The following SPTB variants were observed in gnomAD, a reference collection of about 807,000 sequenced individuals.
SPTB encodes spectrin beta, erythrocytic, also known as spectrin beta chain, erythrocytic.
Under a neutral mutation model 256.2 loss-of-function variants are expected in SPTB, and 45 were observed. The observed-to-expected ratio is 0.18, with a 90% CI of 0.14 to 0.23. The LOEUF is 0.23. Ranked by LOEUF, SPTB falls within the 10% of genes least tolerant of loss-of-function variation. The pLI is 1.00. For synonymous variants in SPTB, 1,231 were observed against 1,243.1 expected, an observed-to-expected ratio of 0.99 and a Z score of 0.21; for missense variants, 2,715 against 3,040.4, an observed-to-expected ratio of 0.89 and a Z score of 2.52.
chr14:64,828,059 G>A (rs934404151), intron 1 of SPTB, among the ~76,000 whole-genome samples: 4 of 152,190 alleles, frequency 2.6e-5, no homozygotes, highest in Middle Eastern at 3.2e-3. Flanking sequence ...CATCACTGAT[G>A]GACTATGGTT....
Position 64,796,730 on chromosome 14 carries a change from G to C in SPTB, c.1183-15C>G. On this transcript the variant is annotated splice_polypyrimidine_tract_variant and intron_variant, in intron 10 of 35. Transcript: ENST00000644917. The surrounding 1 kb of genome is among the most constrained non-coding windows in gnomAD (Gnocchi z 4.1). ...CTTTCCCAGGCCTGCACAAAGGATG[G>C]AATGAGAATTCTTGGGGCACAGGAG... 6.2e-7 allele frequency: 1 copy of C among 1,614,132 alleles called. No individual in the cohort carries two copies. The highest frequency in any genetic ancestry group is 8.5e-7 in the Non-Finnish European group (1 of 1,180,044).
chr14:64,776,332 C>A (rs1301768962), intron 22 of SPTB, among the ~76,000 whole-genome samples: 1 of 152,216 alleles, frequency 6.6e-6, no homozygotes, highest in Non-Finnish European at 1.5e-5. Context: ...CTCAGAACCT[C>A]AATTTTTACA....
intron 19 of SPTB, 60 bp downstream of exon 19, chr14:64,784,187 C>T: frequency 6.2e-7 from 1 of 1,609,762 alleles, no homozygotes; most frequent in African/African-American, 1.3e-5. Flanking sequence ...CTGGGTGAAG[C>T]CCATCCAGGC....
rs990708912 is a variant in SPTB, at chr14:64,845,236, T to C, written c.-51-22091A>G. Among the ~76,000 whole-genome samples, 2 of 152,148 alleles carry C rather than the reference T, an allele frequency of 1.3e-5. No individual in the cohort carries two copies. Among genetic ancestry groups the C allele is most frequent in the African/African-American group, 2.4e-5 (1 of 41,426 alleles). On this transcript the variant is annotated intron_variant, in intron 1 of 35. Transcript: ENST00000644917. This position sits in a 1 kb window ranked among gnomAD's most constrained non-coding sequence, Gnocchi z 4.8. ...GCATGTGGACATCCTTATCAGAAAA[T>C]AGCCACTTAGCAAGTTTTTTCCTTT...
At chr14:64,854,263 T>A (rs2139783042) in intron 1 of SPTB, among the ~76,000 whole-genome samples, 1 of 146,362 alleles carries the variant, frequency 6.8e-6, no homozygotes, top group South Asian at 2.2e-4. Flanking sequence ...CAGTCAATAG[T>A]TTTCCAAACT....
In SPTB at chr14:64,852,157, T is replaced by C. The variant is rs2083798836; in HGVS notation, c.-52+27635A>G. ...GAGCAGAGTAGACACACAGAAGGCCTTCTGCAAGGGTGGACGATGAGTGGG... is the reference window on the plus strand; with the variant it reads ...GAGCAGAGTAGACACACAGAAGGCCCTCTGCAAGGGTGGACGATGAGTGGG... On this transcript the variant is annotated intron_variant, in intron 1 of 35. Transcript: ENST00000644917. The surrounding 1 kb of genome is among the most constrained non-coding windows in gnomAD (Gnocchi z 4.2). Among the ~76,000 whole-genome samples, 1 of 152,166 alleles carries C rather than the reference T, an allele frequency of 6.6e-6. No homozygotes were observed. The highest frequency in any genetic ancestry group is 1.5e-5 in the Non-Finnish European group (1 of 68,036).
intron 1 of SPTB, among the ~76,000 whole-genome samples, chr14:64,846,653 A>G (rs2083697681): frequency 6.6e-6 from 1 of 152,268 alleles, no homozygotes; most frequent in South Asian, 2.1e-4. Flanking sequence ...CAAGGAACTC[A>G]TGATCTCATT....
chr14:64,871,756 C>T (rs1303854328), intron 1 of SPTB, among the ~76,000 whole-genome samples: 1 of 152,202 alleles, frequency 6.6e-6, no homozygotes, highest in African/African-American at 2.4e-5. Flanking sequence ...TAGGAGAAGA[C>T]TTTTACTCTT....
chr14:64,754,058 A>C (rs1243540388), intron 32 of SPTB: 9 of 574,490 alleles, frequency 1.6e-5, no homozygotes, highest in Non-Finnish European at 2.2e-5. Context: ...TCTCCAATGT[A>C]ACATAGCAAC....
At chr14:64,774,911 T>C (rs1316941664) in intron 23 of SPTB, among the ~76,000 whole-genome samples, 1 of 151,854 alleles carries the variant, frequency 6.6e-6, no homozygotes, top group Non-Finnish European at 1.5e-5. Flanking sequence ...CAAACCTAAG[T>C]GGGTAAACAG....
At chr14:64,752,287 C>T in intron 33 of SPTB, 1 of 1,323,186 alleles carries the variant, frequency 7.6e-7, no homozygotes. Context: ...TCTTCTGTCT[C>T]CCTCCTCTCC....
At position 64,760,796 on chromosome 14, in the gene SPTB, G is replaced by A. The variant is rs2082082281; in HGVS notation, c.6345+5930C>T. 6.6e-6 allele frequency among the ~76,000 whole-genome samples: 1 copy of A among 152,210 alleles called. No individual in the cohort carries two copies. Among genetic ancestry groups the A allele is most frequent in the African/African-American group, 2.4e-5 (1 of 41,458 alleles). On this transcript the variant is annotated intron_variant, in intron 32 of 35. Transcript: ENST00000644917. This position sits in a 1 kb window ranked among gnomAD's most constrained non-coding sequence, Gnocchi z 4.3. ...CTGTTATTACACCTGTGTTACAAAT[G>A]AGGGAAACTGGGGGTCGTACAGAAT...
intron 19 of SPTB, among the ~76,000 whole-genome samples, chr14:64,782,801 A>G (rs1442213841): frequency 6.7e-6 from 1 of 149,068 alleles, no homozygotes; most frequent in Non-Finnish European, 1.5e-5. Flanking sequence ...ATACATTAAC[A>G]CAATAGTTGA....
Position 64,795,783 on chromosome 14 carries a change from G to T in SPTB, c.1342-144C>A. ...AAGCAGCTAGTTCTGCCTTACTTTT[G>T]CAGCCTGTCTTATCAGACCCAAGTT... On this transcript the variant is annotated intron_variant, in intron 11 of 35. Coordinates refer to ENST00000644917, the MANE Select transcript of SPTB (RefSeq NM_001355436.2). This position sits in a 1 kb window ranked among gnomAD's most constrained non-coding sequence, Gnocchi z 6.5. The T allele has an allele frequency of 2.3e-6, 2 of 874,236 alleles. No homozygotes were observed. Among genetic ancestry groups the T allele is most frequent in the South Asian group, 1.5e-5 (1 of 67,684 alleles). 54.2% of individuals were successfully genotyped at this position (874,236 alleles called of 1,614,324 possible).
rs543347689 is a variant in SPTB, at chr14:64,868,319, G to C, written c.-52+11473C>G. Among the ~76,000 whole-genome samples, 10 of 152,246 alleles carry C rather than the reference G, an allele frequency of 6.6e-5. No homozygotes were observed. In the East Asian group the frequency reaches 1.9e-3, roughly 29 times the overall value. On this transcript the variant is annotated intron_variant, in intron 1 of 35. Coordinates refer to ENST00000644917, the MANE Select transcript of SPTB (RefSeq NM_001355436.2). ...CAGCCAAGTAGATGTGGAAGTATGG[G>C]GGGGAAAAGAAAGACCAAAAATGGT... is the stretch of plus-strand genomic sequence containing the variant.
At chr14:64,843,503 A>T (rs2083640309) in intron 1 of SPTB, among the ~76,000 whole-genome samples, 1 of 152,162 alleles carries the variant, frequency 6.6e-6, no homozygotes, top group Non-Finnish European at 1.5e-5. Context: ...CAAAGCAGTA[A>T]ATTCCTTACT....
intron 1 of SPTB, among the ~76,000 whole-genome samples, chr14:64,851,732 G>A (rs1164596681): frequency 6.6e-6 from 1 of 152,150 alleles, no homozygotes. Context: ...GATGGAGCTG[G>A]AGCCACTATC....
At chr14:64,812,024 C>T (rs2083099161) in intron 2 of SPTB, among the ~76,000 whole-genome samples, 1 of 152,100 alleles carries the variant, frequency 6.6e-6, no homozygotes, top group South Asian at 2.1e-4. Flanking sequence ...AAAATCATTG[C>T]ATTTTTAAAT....
Position 64,750,096 on chromosome 14 carries a change from C to T in SPTB, c.6661G>A (p.Ala2221Thr). Residue 2221 changes from alanine (A) to threonine (T), a missense_variant, in exon 34 of 36, where the codon GCC becomes ACC. Physicochemically the swap from Ala to Thr is moderately conservative, Grantham distance 58 (BLOSUM62 0). Around this residue, in one of 4 missense-constraint regions of SPTB, gnomAD observed 2,239 missense variants for 2,384.4 expected, o/e 0.94. Transcript: ENST00000644917. Reference sequence around the variant, plus strand: ...GGCATCCCCAGGGCCAGGTTCTTGGCATCCTTGTAGAAGGTTAGCTCACTG... The same window carrying T: ...GGCATCCCCAGGGCCAGGTTCTTGGTATCCTTGTAGAAGGTTAGCTCACTG... ...RNSELTFYKD[A>T]KNLALGMPYH... is the part of the protein sequence containing the mutation. 6.2e-7 allele frequency: 1 copy of T among 1,614,194 alleles called. No homozygotes were observed. Among genetic ancestry groups the T allele is most frequent in the Non-Finnish European group, 8.5e-7 (1 of 1,180,026 alleles).
Sources: allele counts gnomAD v4.1 joint callset (sites outside exome capture counted in the v4.1 genomes callset), GRCh38; gene constraint gnomAD v4.1.1; regional missense constraint gnomAD v4.1.1; non-coding constraint Gnocchi (gnomAD v3.1); transcripts MANE v1.5; gene names NCBI Gene and HGNC (gene_info 2026-07-23, HGNC 2026-07-21).